The following PDE10A variants were observed in gnomAD, a reference collection of about 807,000 sequenced individuals.
PDE10A encodes the protein cAMP and cAMP-inhibited cGMP 3',5'-cyclic phosphodiesterase 10A.
In PDE10A, 39 loss-of-function variants were observed where a neutral mutation model predicts 97.7. That is an observed-to-expected ratio of 0.40 (90% CI 0.31 to 0.52). PDE10A has a LOEUF of 0.52. Ranked by LOEUF, PDE10A falls within the 20% of genes least tolerant of loss-of-function variation. The probability of loss-of-function intolerance (pLI) is 0.56; values close to 1 mark genes in which losing one functional copy is unlikely to be tolerated. For missense variants in PDE10A, 731 were observed against 1,047.8 expected (o/e 0.70, Z 4.17); for synonymous variants, 371 against 376.8 (o/e 0.98, Z 0.18).
chr6:165,516,669 A>C (rs1222942849), intron 2 of PDE10A, among the ~76,000 whole-genome samples: 1 of 152,220 alleles, frequency 6.6e-6, no homozygotes, highest in African/African-American at 2.4e-5. Flanking sequence ...GTTAACGTGA[A>C]AGCTTCTGGG....
At chr6:165,987,976 C>CGTGTGT (rs149079607), upstream of PDE10A, 151 of 367,164 alleles carry the variant, frequency 4.1e-4, 1 homozygote, top group Non-Finnish European at 5.5e-4. Flanking sequence ...TGTGTGCGTG[C>CGTGTGT]GTGTGTGTGT....
intron 18 of PDE10A, among the ~76,000 whole-genome samples, chr6:165,363,280 GCT>G (rs1468651694): frequency 6.6e-6 from 1 of 152,156 alleles, no homozygotes; most frequent in Non-Finnish European, 1.5e-5. Flanking sequence ...ACTTTGGGAG[GCT>G]GAGGCAGGTA....
At chr6:165,393,066 G>C (rs1785842895) in intron 15 of PDE10A, among the ~76,000 whole-genome samples, 1 of 152,056 alleles carries the variant, frequency 6.6e-6, no homozygotes, top group Admixed American at 6.6e-5. Flanking sequence ...ATCAGTATTA[G>C]TACACAGTCA....
At chr6:165,875,339 C>T (rs898493495) in intron 1 of PDE10A, among the ~76,000 whole-genome samples, 2 of 152,142 alleles carry the variant, frequency 1.3e-5, no homozygotes, top group African/African-American at 2.4e-5. Context: ...GAAATGCCAC[C>T]TTGGTCATAC....
intron 1 of PDE10A, among the ~76,000 whole-genome samples, chr6:165,590,896 T>C (rs1052723345): frequency 1.3e-5 from 2 of 150,316 alleles, no homozygotes; most frequent in African/African-American, 4.9e-5. Context: ...GTCTCAAAAA[T>C]AGAAAAAAAA....
chr6:165,958,497 AC>A (rs1173661904), intron 1 of PDE10A, among the ~76,000 whole-genome samples: 16 of 122,352 alleles, frequency 1.3e-4, no homozygotes, highest in East Asian at 4.7e-4. Flanking sequence ...AGAGAGAAAG[AC>A]AAGAAAGAAA....
chr6:165,879,673 C>A (rs1035987935), intron 1 of PDE10A, among the ~76,000 whole-genome samples: 4 of 152,234 alleles, frequency 2.6e-5, no homozygotes, highest in Non-Finnish European at 5.9e-5. Flanking sequence ...ACACAACCTC[C>A]TGTGTACTTT....
chr6:165,335,297 T>G (rs1781580820), intron 21 of PDE10A, among the ~76,000 whole-genome samples: 1 of 152,078 alleles, frequency 6.6e-6, no homozygotes, highest in Admixed American at 6.6e-5. Context: ...GGTCCCCTTC[T>G]TCCATTTAAA....
At position 165,626,707 on chromosome 6, in the gene PDE10A, G is replaced by A. The variant is rs539175781; in HGVS notation, c.865+35240C>T. On this transcript the variant is annotated intron_variant, in intron 1 of 21. Transcript: ENST00000539869. ...ACTTTGCGATTTCCCTCCCTGGTGC[G>A]GCTCACTTTCACTCCTACCCACAGT... Among the ~76,000 whole-genome samples the A allele has an allele frequency of 3.9e-4, 60 of 152,206 alleles. 1 individual carries two copies. Among genetic ancestry groups the A allele is most frequent in the African/African-American group, 1.1e-3 (47 of 41,556 alleles).
At chr6:165,802,559 C>T (rs972273659) in intron 1 of PDE10A, among the ~76,000 whole-genome samples, 5 of 152,198 alleles carry the variant, frequency 3.3e-5, no homozygotes, top group South Asian at 2.1e-4. Context: ...AGCCAGGCTG[C>T]GTGCGGCCTG....
chr6:165,508,604 G>T (rs923796407), intron 2 of PDE10A, among the ~76,000 whole-genome samples: 5 of 151,848 alleles, frequency 3.3e-5, no homozygotes, highest in African/African-American at 1.2e-4. Context: ...TTAAGAAACT[G>T]CCAAGCTATT....
Position 165,655,206 on chromosome 6 carries a change from T to G in PDE10A, c.865+6741A>C, listed in dbSNP as rs76631743. On this transcript the variant is annotated intron_variant, in intron 1 of 21. Transcript: ENST00000539869. This position sits in a 1 kb window ranked among gnomAD's most constrained non-coding sequence, Gnocchi z 4.5. ...CACTGAGGCATCTATATACTGTCCT[T>G]GGGGCATCCAATCCCATGATTTTAG... Among the ~76,000 whole-genome samples, 2 of 152,082 alleles carry G rather than the reference T, an allele frequency of 1.3e-5. No individual in the cohort carries two copies. Among genetic ancestry groups the G allele is most frequent in the Non-Finnish European group, 2.9e-5 (2 of 68,024 alleles).
intron 1 of PDE10A, among the ~76,000 whole-genome samples, chr6:165,682,509 C>T (rs4709961): frequency 0.86 from 131,086 of 152,074 alleles, 56,745 homozygotes; most frequent in South Asian, 0.92. Context: ...GTGATAAGGT[C>T]GTGAAGGTGG....
At chr6:165,439,804 G>T (rs1433671077) in intron 5 of PDE10A, among the ~76,000 whole-genome samples, 1 of 152,040 alleles carries the variant, frequency 6.6e-6, no homozygotes, top group Non-Finnish European at 1.5e-5. Flanking sequence ...GTAAATTTTG[G>T]GAAATAAATA....
intron 1 of PDE10A, among the ~76,000 whole-genome samples, chr6:165,696,307 G>A (rs915897151): frequency 6.6e-6 from 1 of 152,120 alleles, no homozygotes; most frequent in Non-Finnish European, 1.5e-5. Flanking sequence ...AATACCGAAT[G>A]AAAAATCCCA....
At chr6:165,375,382 T>C (rs903460237) in intron 18 of PDE10A, among the ~76,000 whole-genome samples, 1 of 152,214 alleles carries the variant, frequency 6.6e-6, no homozygotes. Context: ...AGCCACAACA[T>C]TCCCTTAAGC....
At chr6:165,490,371 A>T (rs922730249) in intron 2 of PDE10A, among the ~76,000 whole-genome samples, 4 of 152,244 alleles carry the variant, frequency 2.6e-5, no homozygotes, top group African/African-American at 9.6e-5. Context: ...GGAAAGATAG[A>T]GACTTTTTCA....
chr6:165,911,678 A>C (rs1410995910), intron 1 of PDE10A, among the ~76,000 whole-genome samples: 1 of 152,224 alleles, frequency 6.6e-6, no homozygotes, highest in Non-Finnish European at 1.5e-5. Flanking sequence ...TCAGTCATTC[A>C]GTGGGTATGG....
At chr6:165,897,369 G>C (rs1324541091) in intron 1 of PDE10A, among the ~76,000 whole-genome samples, 1 of 152,026 alleles carries the variant, frequency 6.6e-6, no homozygotes, top group Non-Finnish European at 1.5e-5. Context: ...AAAAGAATTG[G>C]GGAAGAAATG....
Sources: gnomAD v4.1 joint callset for allele counts (sites outside exome capture counted in the v4.1 genomes callset) on GRCh38, gnomAD v4.1.1 for gene constraint, Gnocchi (gnomAD v3.1) non-coding constraint, MANE v1.5 for transcripts, NCBI Gene and HGNC (gene_info 2026-07-23, HGNC 2026-07-21) for gene names.